VBP1: variants seen among roughly 807,000 people sequenced by gnomAD.
The protein encoded by VBP1 is VHL binding protein 1, also known as prefoldin subunit 3.
Under a neutral mutation model 15.5 loss-of-function variants are expected in VBP1, and 4 were observed. That is an observed-to-expected ratio of 0.26 (90% CI 0.13 to 0.59). VBP1 has a LOEUF of 0.59. VBP1 is among the 20% of genes least tolerant of loss of function. The pLI, the probability that VBP1 is intolerant of heterozygous loss-of-function variation, is 0.90. For missense variants in VBP1, 108 were observed against 139.6 expected, an observed-to-expected ratio of 0.77 and a Z score of 1.14; for synonymous variants, 61 against 52.1, an observed-to-expected ratio of 1.17 and a Z score of -0.74.
intron 2 of VBP1, among the ~76,000 whole-genome samples, chrX:155,225,511 T>C (rs2074715456): frequency 8.9e-6 from 1 of 112,268 alleles, no homozygotes; most frequent in South Asian, 3.7e-4. Flanking sequence ...AGCTACTTTC[T>C]CTTCAGGTGA....
chrX:155,218,576 C>T (rs2074675313), intron 1 of VBP1, among the ~76,000 whole-genome samples: 1 of 111,158 alleles, frequency 9.0e-6, no homozygotes, highest in African/African-American at 3.3e-5. Flanking sequence ...TGTTGTTTCA[C>T]CCTTGTCCAT....
chrX:155,218,719 G>A (rs1602880082), intron 1 of VBP1, among the ~76,000 whole-genome samples: 1 of 111,623 alleles, frequency 9.0e-6, no homozygotes, highest in African/African-American at 3.3e-5. Context: ...TAGGTGTCAC[G>A]TACTCTTATA....
intron 2 of VBP1, among the ~76,000 whole-genome samples, chrX:155,224,071 TC>T (rs1258234624): frequency 9.4e-6 from 1 of 106,583 alleles, no homozygotes; most frequent in Non-Finnish European, 1.9e-5. Context: ...GCTCCTCACT[TC>T]CTAGACGGGA....
intron 1 of VBP1, among the ~76,000 whole-genome samples, chrX:155,203,909 T>C (rs1028842356): frequency 4.5e-5 from 5 of 111,607 alleles, no homozygotes; most frequent in Admixed American, 2.8e-4. Flanking sequence ...AGTAATACGG[T>C]GGAAAGACTA....
In VBP1 at chrX:155,221,016, C is replaced by T. The variant is rs782640491; in HGVS notation, c.218+709C>T. 2.2e-4 allele frequency among the ~76,000 whole-genome samples: 24 copies of T among 109,893 alleles called. 1 individual carries two copies. The South Asian group carries it at 9.5e-3, about 44-fold the overall frequency. On this transcript the variant is annotated intron_variant, in intron 2 of 5. Coordinates refer to ENST00000286428, the MANE Select transcript of VBP1 (RefSeq NM_003372.7). Reference sequence around the variant, plus strand: ...GACTAGCCTGGGCAACATAGGGAGACCCCCGTCTCTACAAATAATTAAAAA... The same window carrying T: ...GACTAGCCTGGGCAACATAGGGAGATCCCCGTCTCTACAAATAATTAAAAA...
At chrX:155,233,005 G>A (rs1053436125) in intron 4 of VBP1, among the ~76,000 whole-genome samples, 11 of 112,651 alleles carry the variant, frequency 9.8e-5, no homozygotes, top group Non-Finnish European at 2.1e-4. Context: ...GAGGAGGAAT[G>A]AACTGCTGCT....
chrX:155,218,829 T>C, intron 1 of VBP1, among the ~76,000 whole-genome samples: 1 of 111,937 alleles, frequency 8.9e-6, no homozygotes, highest in Non-Finnish European at 1.9e-5. Context: ...ATAACTTCCC[T>C]AAGGTCAACT....
intron 4 of VBP1, among the ~76,000 whole-genome samples, chrX:155,230,394 C>T (rs1233790464): frequency 9.0e-6 from 1 of 111,495 alleles, no homozygotes; most frequent in Non-Finnish European, 1.9e-5. Flanking sequence ...CTTACTTCCA[C>T]GTAAGGTCAC....
intron 4 of VBP1, among the ~76,000 whole-genome samples, chrX:155,233,230 T>TG (rs1439367739): frequency 9.0e-6 from 1 of 111,386 alleles, no homozygotes; most frequent in Non-Finnish European, 1.9e-5. Context: ...CTAGCATCTC[T>TG]GGGGGAGAAT....
rs1557309033 is a variant in VBP1, at chrX:155,216,531, A to G, written c.49A>G (p.Asn17Asp). The G allele has an allele frequency of 8.5e-7, 1 of 1,171,007 alleles. No individual in the cohort carries two copies. ...SCGKGEMATG[N>D]GRRLHLGIPE... The stretch of plus-strand genomic sequence containing the variant: ...TGGCAAAGGAGAAATGGCCACAGGG[A>G]ATGGGCGGCGGCTCCACCTGGGGAT... Residue 17 changes from asparagine to aspartate, a missense_variant, in exon 1 of 6, where the codon AAT becomes GAT. Physicochemically the swap from Asn to Asp is conservative, Grantham distance 23. Coordinates refer to ENST00000286428, the MANE Select transcript of VBP1 (RefSeq NM_003372.7).
chrX:155,202,466 T>C (rs1229535822), intron 1 of VBP1, among the ~76,000 whole-genome samples: 1 of 111,108 alleles, frequency 9.0e-6, no homozygotes, highest in Non-Finnish European at 1.9e-5. Context: ...TATCTACAAC[T>C]ATCTGATCTT....
At chrX:155,202,215 C>G (rs1244783699) in intron 1 of VBP1, among the ~76,000 whole-genome samples, 1 of 111,681 alleles carries the variant, frequency 9.0e-6, no homozygotes, top group Non-Finnish European at 1.9e-5. Context: ...AATGCCATCC[C>G]CATCAAGCTA....
chrX:155,228,060 C>T (rs1306646422), intron 3 of VBP1, among the ~76,000 whole-genome samples: 1 of 111,437 alleles, frequency 9.0e-6, no homozygotes, highest in East Asian at 2.8e-4. Flanking sequence ...GTCAGGCACT[C>T]GGGGGTGTGT....
Position 155,238,798 on chromosome X carries a change from G to T in VBP1, c.550G>T (p.Val184Leu). 2 of 1,205,994 alleles carry T rather than the reference G, an allele frequency of 1.7e-6. No homozygotes were observed. Among genetic ancestry groups the T allele is most frequent in the South Asian group, 1.8e-5 (1 of 55,803 alleles). ...TATGGCCAGGGTTTATAATTGGGATGTAAAAAGAAGAAACAAGGATGACTC... is the reference window on the plus strand; with the variant it reads ...TATGGCCAGGGTTTATAATTGGGATTTAAAAAGAAGAAACAAGGATGACTC... ...VNMARVYNWD[V>L]KRRNKDDSTK... The change falls in exon 6 of 6, where the codon GTA becomes TTA. Residue 184 changes from valine to leucine, a missense_variant. Transcript: ENST00000286428.
chrX:155,199,697 C>A (rs1452415029), intron 1 of VBP1, among the ~76,000 whole-genome samples: 15 of 111,976 alleles, frequency 1.3e-4, no homozygotes, highest in Non-Finnish European at 1.9e-4. Flanking sequence ...GTAACTGCAT[C>A]AACTAACGAG....
chrX:155,212,738 G>A (rs1899647574), upstream of VBP1, among the ~76,000 whole-genome samples: 1 of 111,891 alleles, frequency 8.9e-6, no homozygotes, highest in Admixed American at 9.4e-5. Flanking sequence ...AAATAAAGCA[G>A]GGTAATGTCT....
At chrX:155,207,438 C>A (rs2074630061) in intron 1 of VBP1, among the ~76,000 whole-genome samples, 1 of 111,711 alleles carries the variant, frequency 9.0e-6, no homozygotes, top group Non-Finnish European at 1.9e-5. Flanking sequence ...CAGAAGTAGA[C>A]CAAGATCTTC....
chrX:155,233,438 T>C (rs2074756507), intron 4 of VBP1, among the ~76,000 whole-genome samples: 1 of 111,940 alleles, frequency 8.9e-6, no homozygotes, highest in Non-Finnish European at 1.9e-5. Flanking sequence ...AAACTTCTCA[T>C]TCTGCTGCCA....
At chrX:155,217,743 G>A (rs1185384868) in intron 1 of VBP1, among the ~76,000 whole-genome samples, 1 of 111,674 alleles carries the variant, frequency 9.0e-6, no homozygotes, top group Non-Finnish European at 1.9e-5. Flanking sequence ...AAAACTCGAG[G>A]TGGTAGCTAC....
Sources: allele counts gnomAD v4.1 joint callset (sites outside exome capture counted in the v4.1 genomes callset), GRCh38; gene constraint gnomAD v4.1.1; transcripts MANE v1.5; gene names NCBI Gene and HGNC (gene_info 2026-07-23, HGNC 2026-07-21).